Variants in FGD4 observed in about 807,000 individuals in gnomAD.
FGD4 encodes the protein FYVE, RhoGEF and PH domain containing 4.
Under a neutral mutation model 102.0 loss-of-function variants are expected in FGD4, and 42 were observed. The ratio of observed to expected loss-of-function variants is 0.41; its 90% CI spans 0.32 to 0.53. The LOEUF (loss-of-function observed/expected upper bound fraction) is 0.53, where lower values mean the gene tolerates loss of function less well. Among genes scored for constraint, FGD4 ranks in the 20% least tolerant of loss-of-function variants. The pLI is 0.21. For synonymous variants in FGD4, 380 were observed against 375.7 expected, an observed-to-expected ratio of 1.01 and a Z score of -0.13; for missense variants, 902 against 1,078.2, an observed-to-expected ratio of 0.84 and a Z score of 2.29.
At chr12:32,526,313 A>G (rs935283633) in intron 1 of FGD4, among the ~76,000 whole-genome samples, 3 of 151,654 alleles carry the variant, frequency 2.0e-5, no homozygotes, top group African/African-American at 7.3e-5. Flanking sequence ...AAATACACCA[A>G]TCGGCACTCT....
At chr12:32,414,289 A>T (rs1054399777) in intron 1 of FGD4, among the ~76,000 whole-genome samples, 38 of 151,752 alleles carry the variant, frequency 2.5e-4, no homozygotes, top group South Asian at 1.0e-3. Flanking sequence ...TTTTTTTTTA[A>T]AAAATTATTT....
intron 1 of FGD4, among the ~76,000 whole-genome samples, chr12:32,411,627 C>A (rs921049990): frequency 2.0e-5 from 3 of 152,078 alleles, no homozygotes; most frequent in Admixed American, 6.5e-5. Context: ...TTGAAGAATA[C>A]TGAGGGGTCA....
chr12:32,553,806 A>C (rs952372638), intron 1 of FGD4, among the ~76,000 whole-genome samples: 1 of 152,244 alleles, frequency 6.6e-6, no homozygotes, highest in Non-Finnish European at 1.5e-5. Context: ...ATGTAAATAA[A>C]ATAATAAACA....
intron 2 of FGD4, among the ~76,000 whole-genome samples, chr12:32,573,137 A>G (rs61926172): frequency 3.3e-5 from 5 of 152,066 alleles, no homozygotes; most frequent in Non-Finnish European, 7.4e-5. Context: ...ACTCTGTCGC[A>G]CAGGCTGGAG....
At chr12:32,623,649 T>C (rs1010282508) in intron 11 of FGD4, among the ~76,000 whole-genome samples, 6 of 152,266 alleles carry the variant, frequency 3.9e-5, no homozygotes, top group African/African-American at 1.4e-4. Flanking sequence ...TCAGAATTTT[T>C]CAATTTGGAG....
In FGD4 at chr12:32,425,318, A is replaced by G. The variant is rs1941791756; in HGVS notation, c.166+25359A>G. ...TAGCCAGTTTTCCCAACACCCATTT[A>G]TTAAATAGGGAATCCTTTCCCCATT... is the stretch of plus-strand genomic sequence containing the variant. On this transcript the variant is annotated intron_variant, in intron 1 of 16. Coordinates refer to ENST00000534526, the MANE Select transcript of FGD4 (RefSeq NM_001370298.3). Among the ~76,000 whole-genome samples, 5 of 152,330 alleles carry G rather than the reference A, an allele frequency of 3.3e-5. No homozygotes were observed. In the South Asian group the frequency reaches 1.0e-3, roughly 32 times the overall value.
At chr12:32,444,518 C>T (rs1942555982) in intron 1 of FGD4, among the ~76,000 whole-genome samples, 2 of 152,086 alleles carry the variant, frequency 1.3e-5, no homozygotes, top group African/African-American at 4.8e-5. Context: ...GATTCTCCTG[C>T]CTCAGCCTCC....
At chr12:32,587,759 A>C (rs956253060) in intron 4 of FGD4, among the ~76,000 whole-genome samples, 1 of 152,190 alleles carries the variant, frequency 6.6e-6, no homozygotes, top group Non-Finnish European at 1.5e-5. Context: ...GACAGGAAGG[A>C]AAGTAATGGT....
intron 1 of FGD4, among the ~76,000 whole-genome samples, chr12:32,501,694 A>G (rs746164875): frequency 7.9e-5 from 12 of 152,202 alleles, no homozygotes; most frequent in Non-Finnish European, 1.2e-4. Context: ...TGAGTATTAT[A>G]TTTGTTTTAA....
intron 1 of FGD4, among the ~76,000 whole-genome samples, chr12:32,453,108 T>G (rs1217508895): frequency 1.3e-5 from 2 of 150,098 alleles, no homozygotes; most frequent in African/African-American, 4.9e-5. Flanking sequence ...CTTTGATAAT[T>G]ATTAACACAT....
At chr12:32,415,623 G>A (rs1021216603) in intron 1 of FGD4, among the ~76,000 whole-genome samples, 7 of 151,926 alleles carry the variant, frequency 4.6e-5, no homozygotes, top group Middle Eastern at 3.2e-3. Flanking sequence ...GGGTTTCACC[G>A]TATTAGCCAG....
intron 1 of FGD4, among the ~76,000 whole-genome samples, chr12:32,482,993 G>T (rs748836172): frequency 6.6e-6 from 1 of 152,170 alleles, no homozygotes; most frequent in East Asian, 1.9e-4. Flanking sequence ...CACATAGCAA[G>T]TTAAGTATAC....
chr12:32,512,401 C>G (rs945459788), intron 1 of FGD4, among the ~76,000 whole-genome samples: 4 of 151,614 alleles, frequency 2.6e-5, no homozygotes, highest in African/African-American at 9.7e-5. Context: ...GAGCTGATAT[C>G]CTGTCATTGC....
intron 1 of FGD4, among the ~76,000 whole-genome samples, chr12:32,422,729 C>A (rs1941684554): frequency 1.3e-5 from 2 of 152,126 alleles, no homozygotes; most frequent in Non-Finnish European, 2.9e-5. Context: ...AATTCCCCTC[C>A]CCCTTTTCTA....
chr12:32,423,454 T>C (rs1453114321), intron 1 of FGD4, among the ~76,000 whole-genome samples: 1 of 150,870 alleles, frequency 6.6e-6, no homozygotes, highest in African/African-American at 2.4e-5. Context: ...TAGCCGGGCG[T>C]GGTGGCAGGC....
chr12:32,546,034 C>A (rs1271050166), intron 1 of FGD4, among the ~76,000 whole-genome samples: 1 of 152,088 alleles, frequency 6.6e-6, no homozygotes, highest in Non-Finnish European at 1.5e-5. Context: ...GATACACTGT[C>A]TTTATTTTTG....
At chr12:32,555,381 G>C (rs1327206975) in intron 1 of FGD4, among the ~76,000 whole-genome samples, 1 of 152,076 alleles carries the variant, frequency 6.6e-6, no homozygotes, top group Non-Finnish European at 1.5e-5. Context: ...ATGGCTCTTA[G>C]ACATACTGGG....
intron 10 of FGD4, among the ~76,000 whole-genome samples, chr12:32,611,606 T>C (rs1013247919): frequency 1.3e-5 from 2 of 152,230 alleles, no homozygotes; most frequent in African/African-American, 4.8e-5. Context: ...AAAGGAATTA[T>C]ATATAAAAAT....
chr12:32,453,683 T>C (rs1230012854), intron 1 of FGD4, among the ~76,000 whole-genome samples: 1 of 152,194 alleles, frequency 6.6e-6, no homozygotes, highest in Non-Finnish European at 1.5e-5. Flanking sequence ...TTGGGCTCAT[T>C]GTTTCAGGCT....
Sources: allele counts gnomAD v4.1 joint callset (sites outside exome capture counted in the v4.1 genomes callset), GRCh38; gene constraint gnomAD v4.1.1; transcripts MANE v1.5; gene names NCBI Gene and HGNC (gene_info 2026-07-23, HGNC 2026-07-21).